Variants in MGAT4B observed in about 807,000 individuals in gnomAD.
MGAT4B encodes the protein N-acetylglucosaminyltransferase IVb.
A neutral mutation model predicts 73.9 loss-of-function variants in MGAT4B; 38 were observed. That is an observed-to-expected ratio of 0.51 (90% CI 0.40 to 0.67). MGAT4B has a LOEUF of 0.67. MGAT4B is among the 30% of genes least tolerant of loss of function. MGAT4B has a pLI of 0.00. For missense variants in MGAT4B, 686 were observed against 735.2 expected (o/e 0.93, Z 0.77); for synonymous variants, 373 against 313.5 (o/e 1.19, Z -2.01).
chr5:179,802,963 A>G (rs1455453827), intron 1 of MGAT4B: 1 of 985,380 alleles, frequency 1.0e-6, no homozygotes, highest in Non-Finnish European at 1.2e-6. Context: ...CAGCTCTTCC[A>G]TTCCTTGATC....
chr5:179,800,800 C>G (rs538850025), intron 5 of MGAT4B, 107 bp downstream of exon 5: 9 of 1,327,020 alleles, frequency 6.8e-6, no homozygotes, highest in Non-Finnish European at 9.6e-6. Context: ...CCCTGCCTCC[C>G]CACGAGATAG....
At chr5:179,798,731 C>T (rs1269021101) in intron 11 of MGAT4B, 140 bp from the exon 12 acceptor site, 1 of 1,128,236 alleles carries the variant, frequency 8.9e-7, no homozygotes, top group Non-Finnish European at 1.3e-6. Flanking sequence ...CAGGGCCTTC[C>T]TCTGGGAGGA....
chr5:179,799,575 C>G lies in MGAT4B; in HGVS notation c.972G>C (p.Arg324=). ...CCAGGAGCCAGTCGATGGGCTTGTC[C>G]CGGTAGAACATGAGAATGAACTCTA... ...LIVEFILMFY[R]DKPIDWLLDH... Residue 324 remains arginine, a synonymous_variant, in exon 9 of 15, where the codon CGG becomes CGC. Transcript: ENST00000292591. The G allele has an allele frequency of 1.2e-6, 2 of 1,613,976 alleles. No homozygotes were observed. The highest frequency in any genetic ancestry group is 1.7e-6 in the Non-Finnish European group (2 of 1,180,030).
intron 5 of MGAT4B, 67 bp downstream of exon 5, chr5:179,800,840 A>G: frequency 2.0e-6 from 3 of 1,535,072 alleles, no homozygotes; most frequent in Non-Finnish European, 2.7e-6. Flanking sequence ...GGAGGCAGGA[A>G]CCTGCCAGCA....
chr5:179,799,973 G>A lies in MGAT4B; in HGVS notation c.891C>T (p.Phe297=). Residue 297 remains phenylalanine (F), a synonymous_variant, in exon 8 of 15, where the codon TTC becomes TTT. Transcript: ENST00000292591. ...QPSEDWMILE[F]SQLGFIGKMF... Reference sequence around the variant, plus strand: ...GCACACCAATGAAGCCCAGCTGGGAGAACTCCAGGATCATCCAGTCCTCTG... The same window carrying A: ...GCACACCAATGAAGCCCAGCTGGGAAAACTCCAGGATCATCCAGTCCTCTG... 6.2e-7 allele frequency: 1 copy of A among 1,613,886 alleles called. No individual in the cohort carries two copies. The highest frequency in any genetic ancestry group is 8.5e-7 in the Non-Finnish European group (1 of 1,179,938).
intron 5 of MGAT4B, 34 bp from the exon 6 acceptor site, chr5:179,800,631 CT>C: frequency 6.8e-7 from 1 of 1,466,316 alleles, no homozygotes; most frequent in Non-Finnish European, 9.5e-7. Context: ...CGTATGCAGC[CT>C]CCAGGGGCTG....
rs528678880 is a variant in MGAT4B at position 179,800,827 on chromosome 5, T to C, written c.605+80A>G. 8.6e-4 allele frequency: 1,279 copies of C among 1,482,378 alleles called. 2 individuals are homozygous for C. The highest frequency in any genetic ancestry group is 1.1e-3 in the Non-Finnish European group (1,197 of 1,068,726). 91.8% of individuals were successfully genotyped at this position (1,482,378 alleles called of 1,614,324 possible). On this transcript the variant is annotated intron_variant, in intron 5 of 14. Coordinates refer to ENST00000292591, the MANE Select transcript of MGAT4B (RefSeq NM_014275.5). ...ACGAGATAGGAAAGGCACTATCTCA[T>C]GGGGAGGCAGGAACCTGCCAGCACA...
At position 179,799,951 on chromosome 5, in the gene MGAT4B, C is replaced by T; in HGVS notation, c.910+3G>A. On this transcript the variant is annotated splice_donor_region_variant and intron_variant, in intron 8 of 14. Coordinates refer to ENST00000292591, the MANE Select transcript of MGAT4B (RefSeq NM_014275.5). ...GCACCGTCAGGTAAGGGGAGGGGCACACCAATGAAGCCCAGCTGGGAGAAC... is the reference window on the plus strand; with the variant it reads ...GCACCGTCAGGTAAGGGGAGGGGCATACCAATGAAGCCCAGCTGGGAGAAC... 6.2e-7 allele frequency: 1 copy of T among 1,610,026 alleles called. No homozygotes were observed. The highest frequency in any genetic ancestry group is 1.3e-5 in the African/African-American group (1 of 74,994).
In MGAT4B at chr5:179,801,134, A is replaced by G; in HGVS notation, c.559-181T>C. The stretch of plus-strand genomic sequence containing the variant: ...TTTCCCTTTGGGACTCGCATGGCCA[A>G]GGACTAGGGGGTGGCGGGGGCGATG... On this transcript the variant is annotated intron_variant, in intron 4 of 14. Coordinates refer to ENST00000292591, the MANE Select transcript of MGAT4B (RefSeq NM_014275.5). The surrounding 1 kb of genome is among the most constrained non-coding windows in gnomAD (Gnocchi z 4.8). 8.8e-7 allele frequency: 1 copy of G among 1,135,118 alleles called. No homozygotes were observed. The highest frequency in any genetic ancestry group is 1.2e-6 in the Non-Finnish European group (1 of 810,722). The allele number at this position is 1,135,118 out of a possible 1,614,324, so 70.3% of individuals were successfully genotyped here.
chr5:179,800,620 C>A, intron 5 of MGAT4B, 23 bp from the exon 6 acceptor site: 1 of 1,504,874 alleles, frequency 6.6e-7, no homozygotes, highest in Non-Finnish European at 9.2e-7. Context: ...AAGGCCTAGT[C>A]CGTATGCAGC....
In MGAT4B at chr5:179,799,161, G is replaced by A. The variant is rs202150332; in HGVS notation, c.1150-40C>T. 42 of 1,613,820 alleles carry A rather than the reference G, an allele frequency of 2.6e-5. 1 individual carries two copies. The highest frequency in any genetic ancestry group is 1.5e-4 in the Admixed American group (9 of 60,012). On this transcript the variant is annotated intron_variant, in intron 10 of 14. Transcript: ENST00000292591. ...GGACAGCAGTGATGGCGTGGGCCCCGACCTTGATCCCGGCCTAGGGAGAGC... is the reference window on the plus strand; with the variant it reads ...GGACAGCAGTGATGGCGTGGGCCCCAACCTTGATCCCGGCCTAGGGAGAGC...
Position 179,806,412 on chromosome 5 carries a change from C to G in MGAT4B, c.97+75G>C, listed in dbSNP as rs1430119301. On this transcript the variant is annotated intron_variant, in intron 1 of 14. Coordinates refer to ENST00000292591, the MANE Select transcript of MGAT4B (RefSeq NM_014275.5). This position sits in a 1 kb window ranked among gnomAD's most constrained non-coding sequence, Gnocchi z 4.6. ...TGCGTCGGCTTCCGGCCGCCTTCCG[C>G]GGCCACCGCCGGGCCCGCTCCCGCC... The G allele has an allele frequency of 1.0e-6, 1 of 956,708 alleles. No homozygotes were observed. The highest frequency in any genetic ancestry group is 6.7e-5 in the East Asian group (1 of 14,920). 59.3% of individuals were successfully genotyped at this position (956,708 alleles called of 1,614,324 possible). A position where few individuals can be genotyped will look rare whatever the true frequency, so the allele number is the denominator to read the frequency against.
chr5:179,805,301 T>C (rs1242793745), intron 1 of MGAT4B: 3 of 152,298 alleles, frequency 2.0e-5, no homozygotes, highest in Non-Finnish European at 2.9e-5. Context: ...GCCAGTGTGC[T>C]TTTATAGTCA....
Position 179,797,934 on chromosome 5 carries a change from G to T in MGAT4B, c.*111C>A. ...CAGGCCGGCCCAAGCCCGACGCCAGGCAGAACCCTTTGGGCGGGGCCGTAT... is the reference window on the plus strand; with the variant it reads ...CAGGCCGGCCCAAGCCCGACGCCAGTCAGAACCCTTTGGGCGGGGCCGTAT... On this transcript the variant is annotated 3_prime_UTR_variant, in exon 15 of 15. Coordinates refer to ENST00000292591, the MANE Select transcript of MGAT4B (RefSeq NM_014275.5). 1 of 1,454,628 alleles carries T rather than the reference G, an allele frequency of 6.9e-7. No individual in the cohort carries two copies. The allele number at this position is 1,454,628 out of a possible 1,614,324, so 90.1% of individuals were successfully genotyped here.
rs556662797 is a variant in MGAT4B, at chr5:179,798,960, G to T, written c.1311C>A (p.Arg437=). The change falls in exon 11 of 15, where the codon CGC becomes CGA. Residue 437 remains arginine, a synonymous_variant. Coordinates refer to ENST00000292591, the MANE Select transcript of MGAT4B (RefSeq NM_014275.5). ...GTCTTAGAGGTTGGAAGAAGCGGAAGCGGATGAAGTCCCCCGCGGCAGGGG... is the reference window on the plus strand; with the variant it reads ...GTCTTAGAGGTTGGAAGAAGCGGAATCGGATGAAGTCCCCCGCGGCAGGGG... ...AFTPAAGDFI[R]FRFFQPLRLE... is the part of the protein sequence containing the mutation. The T allele has an allele frequency of 8.7e-6, 14 of 1,613,700 alleles. No individual in the cohort carries two copies. In the South Asian group the frequency reaches 1.5e-4, roughly 18 times the overall value.
chr5:179,804,111 A>G (rs1220908296), intron 1 of MGAT4B, among the ~76,000 whole-genome samples: 5 of 152,218 alleles, frequency 3.3e-5, no homozygotes, highest in African/African-American at 1.2e-4. Context: ...CCTGGAGGCG[A>G]GTCATTAGGA....
Position 179,801,956 on chromosome 5 carries a change from G to C in MGAT4B, c.111C>G (p.Asp37Glu). 1.2e-6 allele frequency: 2 copies of C among 1,613,380 alleles called. No homozygotes were observed. The highest frequency in any genetic ancestry group is 1.7e-5 in the Admixed American group (1 of 60,024). ...GCGCCAGGAACTCCCGCTGGTAAAC[G>C]TCCACAACGTCGCCTGCAGGTGGTA... ...ALSGQKGDVV[D>E]VYQREFLALR... The change falls in exon 2 of 15, where the codon GAC becomes GAG. Residue 37 changes from aspartate to glutamate, a missense_variant. This residue lies in a region of MGAT4B where 237 missense variants were observed against 198.5 expected (regional missense o/e 1.19). Transcript: ENST00000292591. The surrounding 1 kb of genome is among the most constrained non-coding windows in gnomAD (Gnocchi z 4.8).
chr5:179,799,430 G>C, intron 9 of MGAT4B, 76 bp downstream of exon 9: 1 of 1,609,346 alleles, frequency 6.2e-7, no homozygotes, highest in Non-Finnish European at 8.5e-7. Context: ...CAGATGCAAG[G>C]ACAGGGACAC....
rs375764484 is a variant in MGAT4B, at chr5:179,801,545, C to T, written c.424+9G>A. 1.4e-4 allele frequency: 221 copies of T among 1,607,878 alleles called. No individual in the cohort carries two copies. Among genetic ancestry groups the T allele is most frequent in the Non-Finnish European group, 1.7e-4 (199 of 1,177,270 alleles). On this transcript the variant is annotated intron_variant, in intron 3 of 14. Transcript: ENST00000292591. The surrounding 1 kb of genome is among the most constrained non-coding windows in gnomAD (Gnocchi z 4.8). ...CCCACCCCGTGCTCCTCCCTGTCTGCGCCCATACCTCCGGTGCGGCCCTGG... is the reference window on the plus strand; with the variant it reads ...CCCACCCCGTGCTCCTCCCTGTCTGTGCCCATACCTCCGGTGCGGCCCTGG...
Sources: gnomAD v4.1 joint callset for allele counts (sites outside exome capture counted in the v4.1 genomes callset) on GRCh38, gnomAD v4.1.1 for gene constraint, gnomAD v4.1.1 regional missense constraint, Gnocchi (gnomAD v3.1) non-coding constraint, MANE v1.5 for transcripts, NCBI Gene and HGNC (gene_info 2026-07-23, HGNC 2026-07-21) for gene names.